Variants in MSRA observed in about 807,000 individuals in gnomAD.
The protein encoded by MSRA is methionine sulfoxide reductase A, also known as mitochondrial peptide methionine sulfoxide reductase.
In MSRA, 54 loss-of-function variants were observed where a neutral mutation model predicts 31.3. The ratio of observed to expected loss-of-function variants is 1.73; its 90% CI spans 1.39 to 2.17. The LOEUF (loss-of-function observed/expected upper bound fraction) is 2.17. Ranked by LOEUF, MSRA falls within the 30% of genes most tolerant of loss-of-function variation. The probability of loss-of-function intolerance (pLI) is 0.00; values close to 1 mark genes in which losing one functional copy is unlikely to be tolerated. For synonymous variants in MSRA, 169 were observed against 116.5 expected (o/e 1.45, Z -2.90); for missense variants, 507 against 300.9 (o/e 1.69, Z -5.07).
At chr8:10,267,980 T>C (rs1041957684) in intron 3 of MSRA, among the ~76,000 whole-genome samples, 6 of 152,204 alleles carry the variant, frequency 3.9e-5, no homozygotes, top group Non-Finnish European at 7.3e-5. Context: ...TCCCCTTGCA[T>C]ATTTCCCTCA....
chr8:10,370,611 G>C (rs1805421392), intron 5 of MSRA, among the ~76,000 whole-genome samples: 2 of 152,236 alleles, frequency 1.3e-5, no homozygotes, highest in Non-Finnish European at 2.9e-5. Flanking sequence ...TCACCGCCTT[G>C]AGGAGCCACC....
At chr8:10,409,033 G>A (rs756849282) in intron 5 of MSRA, among the ~76,000 whole-genome samples, 1 of 152,184 alleles carries the variant, frequency 6.6e-6, no homozygotes, top group Non-Finnish European at 1.5e-5. Flanking sequence ...ACACATCTGA[G>A]TGCAGGTGTC....
chr8:10,152,395 C>T lies in MSRA; in HGVS notation c.143-55438C>T, dbSNP rs140565817. Among the ~76,000 whole-genome samples, 174 of 152,064 alleles carry T rather than the reference C, an allele frequency of 1.1e-3. 1 individual carries two copies. The highest frequency in any genetic ancestry group is 3.9e-3 in the African/African-American group (161 of 41,482). On this transcript the variant is annotated intron_variant, in intron 1 of 5. Transcript: ENST00000317173. ...TGTAATAAAGAGGTATTTTTAAGACCGAGAGCCAGTGTGTGTCAGCTTCTT... is the reference window on the plus strand; with the variant it reads ...TGTAATAAAGAGGTATTTTTAAGACTGAGAGCCAGTGTGTGTCAGCTTCTT...
At chr8:10,391,726 A>G (rs1260948218) in intron 5 of MSRA, among the ~76,000 whole-genome samples, 1 of 152,162 alleles carries the variant, frequency 6.6e-6, no homozygotes, top group Non-Finnish European at 1.5e-5. Context: ...CTGCTTTCCC[A>G]GTCTGCCCTG....
intron 3 of MSRA, among the ~76,000 whole-genome samples, chr8:10,264,797 G>T (rs1432021679): frequency 6.6e-6 from 1 of 152,218 alleles, no homozygotes; most frequent in Non-Finnish European, 1.5e-5. Flanking sequence ...TAACTTGAGA[G>T]CCCAATGCGG....
intron 3 of MSRA, among the ~76,000 whole-genome samples, chr8:10,285,723 T>G (rs1457919405): frequency 6.6e-6 from 1 of 152,074 alleles, no homozygotes; most frequent in Non-Finnish European, 1.5e-5. Context: ...AGCTTCCACG[T>G]ATGAGAGAGA....
At chr8:10,260,253 G>C (rs936310327) in intron 3 of MSRA, among the ~76,000 whole-genome samples, 2 of 152,166 alleles carry the variant, frequency 1.3e-5, no homozygotes, top group African/African-American at 4.8e-5. Context: ...TTCTGGTTGA[G>C]GGATCTCACA....
At chr8:10,177,080 G>T (rs1188892514) in intron 1 of MSRA, among the ~76,000 whole-genome samples, 1 of 152,194 alleles carries the variant, frequency 6.6e-6, no homozygotes, top group Non-Finnish European at 1.5e-5. Context: ...TTTATTACGT[G>T]CTGTTTGCTG....
At chr8:10,261,042 T>A (rs1325619197) in intron 3 of MSRA, among the ~76,000 whole-genome samples, 1 of 152,144 alleles carries the variant, frequency 6.6e-6, no homozygotes, top group Non-Finnish European at 1.5e-5. Context: ...AAATACAAGA[T>A]GGAGTTGTCA....
At chr8:10,307,091 A>T (rs562823705) in intron 4 of MSRA, among the ~76,000 whole-genome samples, 1 of 152,200 alleles carries the variant, frequency 6.6e-6, no homozygotes, top group African/African-American at 2.4e-5. Context: ...CTCTGTCTAA[A>T]GCTCAGGTCT....
chr8:10,111,593 A>G (rs754657628), intron 1 of MSRA, among the ~76,000 whole-genome samples: 6 of 152,076 alleles, frequency 3.9e-5, no homozygotes, highest in Non-Finnish European at 8.8e-5. Context: ...ATTTATTTCC[A>G]AGTGGTTTAA....
intron 1 of MSRA, among the ~76,000 whole-genome samples, chr8:10,163,092 C>A (rs1804804676): frequency 6.6e-6 from 1 of 152,124 alleles, no homozygotes; most frequent in African/African-American, 2.4e-5. Flanking sequence ...CTCTTTGCAC[C>A]ATGGGAGGAC....
chr8:10,380,282 G>A (rs1370334461), intron 5 of MSRA, among the ~76,000 whole-genome samples: 2 of 152,120 alleles, frequency 1.3e-5, no homozygotes, highest in African/African-American at 4.8e-5. Context: ...AGCCAGAAGG[G>A]TCACCTCCTT....
At chr8:10,303,381 C>G (rs138017571) in intron 4 of MSRA, among the ~76,000 whole-genome samples, 2 of 152,134 alleles carry the variant, frequency 1.3e-5, no homozygotes, top group Non-Finnish European at 1.5e-5. Flanking sequence ...GGGGGGAATA[C>G]TACTATGATG....
At chr8:10,379,250 C>G (rs1805917856) in intron 5 of MSRA, among the ~76,000 whole-genome samples, 1 of 152,034 alleles carries the variant, frequency 6.6e-6, no homozygotes, top group Admixed American at 6.5e-5. Context: ...TGCCCAATGC[C>G]TAACCTTCCC....
At chr8:10,403,745 C>T (rs987282705) in intron 5 of MSRA, among the ~76,000 whole-genome samples, 5 of 152,192 alleles carry the variant, frequency 3.3e-5, no homozygotes, top group African/African-American at 7.2e-5. Context: ...GATGTAGCAG[C>T]GATGCCGGTG....
chr8:10,249,437 G>A (rs756282545), intron 3 of MSRA, among the ~76,000 whole-genome samples: 17 of 152,172 alleles, frequency 1.1e-4, no homozygotes, highest in Non-Finnish European at 2.2e-4. Flanking sequence ...CATTTCCCTG[G>A]AGATTTCCTA....
chr8:10,241,840 C>T (rs1002702399), intron 2 of MSRA, among the ~76,000 whole-genome samples: 4 of 152,128 alleles, frequency 2.6e-5, no homozygotes, highest in Admixed American at 6.5e-5. Flanking sequence ...CCTCTGAGGA[C>T]GGTTGTGTGA....
chr8:10,390,891 A>G (rs1806700532), intron 5 of MSRA, among the ~76,000 whole-genome samples: 1 of 151,748 alleles, frequency 6.6e-6, no homozygotes. Flanking sequence ...CAGGAGAATG[A>G]CGTGAACCCG....
Sources: allele counts gnomAD v4.1 joint callset (sites outside exome capture counted in the v4.1 genomes callset), GRCh38; gene constraint gnomAD v4.1.1; transcripts MANE v1.5; gene names NCBI Gene and HGNC (gene_info 2026-07-23, HGNC 2026-07-21).